AFF3: variants seen among roughly 807,000 people sequenced by gnomAD.
The protein encoded by AFF3 is ALF transcription elongation factor 3, also known as AF4/FMR2 family member 3.
In AFF3, 32 loss-of-function variants were observed where a neutral mutation model predicts 129.7. The ratio of observed to expected loss-of-function variants is 0.25; its 90% CI spans 0.19 to 0.33. The LOEUF is 0.33. AFF3 is among the 10% of genes least tolerant of loss of function. The pLI, the probability that AFF3 is intolerant of heterozygous loss-of-function variation, is 1.00. For synonymous variants in AFF3, 644 were observed against 635.4 expected, an observed-to-expected ratio of 1.01 and a Z score of -0.20; for missense variants, 1,373 against 1,592.0, an observed-to-expected ratio of 0.86 and a Z score of 2.34.
rs1261873963 is a variant in AFF3, at chr2:99,752,274, C to T, written c.949G>A (p.Ala317Thr). The change falls in exon 9 of 25, where the codon GCT (alanine) becomes ACT (threonine). Residue 317 changes from alanine to threonine, a missense_variant. Physicochemically the swap from Ala to Thr is moderately conservative, Grantham distance 58 (BLOSUM62 0). Around this residue, in one of 9 missense-constraint regions of AFF3, gnomAD observed 413 missense variants for 424.4 expected, o/e 0.97. Coordinates refer to ENST00000672756, the MANE Select transcript of AFF3 (RefSeq NM_001386135.1). Reference sequence around the variant, plus strand: ...TCCACTTTGCCAGGTGCTTGAATAGCAGAAAGTGGTGGAAGCCAGGTCATC... The same window carrying T: ...TCCACTTTGCCAGGTGCTTGAATAGTAGAAAGTGGTGGAAGCCAGGTCATC... The part of the protein sequence containing the change: ...REMTWLPPLS[A>T]IQAPGKVEPT... 3 of 1,613,912 alleles carry T rather than the reference C, an allele frequency of 1.9e-6. No individual in the cohort carries two copies. The highest frequency in any genetic ancestry group is 2.5e-6 in the Non-Finnish European group (3 of 1,179,892).
chr2:99,643,662 C>G (rs1293705688), intron 13 of AFF3, among the ~76,000 whole-genome samples: 1 of 152,160 alleles, frequency 6.6e-6, no homozygotes, highest in Non-Finnish European at 1.5e-5. Flanking sequence ...TTGGCTGGAG[C>G]TCGTCCACTT....
At chr2:100,136,036 G>A (rs1287988527) in intron 1 of AFF3, among the ~76,000 whole-genome samples, 2 of 152,190 alleles carry the variant, frequency 1.3e-5, no homozygotes, top group Admixed American at 6.5e-5. Context: ...AAGGGGCTTC[G>A]TGGGGATGTG....
intron 8 of AFF3, among the ~76,000 whole-genome samples, chr2:99,822,761 G>C (rs1284719186): frequency 6.6e-6 from 1 of 152,106 alleles, no homozygotes; most frequent in African/African-American, 2.4e-5. Context: ...TCCCATCACA[G>C]TGGGCTCCTC....
In AFF3 at chr2:100,006,771, G is replaced by C. The variant is rs1041007189; in HGVS notation, c.734C>G (p.Pro245Arg). The change falls in exon 7 of 25, where the codon CCT becomes CGT. Residue 245 changes from proline to arginine, a missense_variant. By Grantham distance (103) the Pro-to-Arg change is moderately radical (BLOSUM62 -2). This residue lies in a region of AFF3 where 413 missense variants were observed against 424.4 expected (regional missense o/e 0.97). Coordinates refer to ENST00000672756, the MANE Select transcript of AFF3 (RefSeq NM_001386135.1). ...CGACTTCAGCTTAGGAGACTCATCA[G>C]GGGCCTGATCTTGGCCGTCCATTGG... ...VRPMDGQDQA[P>R]DESPKLKSSS... The C allele has an allele frequency of 1.9e-6, 3 of 1,614,090 alleles. No individual in the cohort carries two copies. The highest frequency in any genetic ancestry group is 2.5e-6 in the Non-Finnish European group (3 of 1,180,048).
At chr2:99,934,681 T>C (rs1674361524) in intron 7 of AFF3, among the ~76,000 whole-genome samples, 1 of 152,144 alleles carries the variant, frequency 6.6e-6, no homozygotes, top group Admixed American at 6.5e-5. Flanking sequence ...CAGAAGCCAC[T>C]GGGAAGGGGC....
intron 12 of AFF3, among the ~76,000 whole-genome samples, chr2:99,666,190 T>C (rs773758837): frequency 6.6e-6 from 1 of 152,096 alleles, no homozygotes; most frequent in Non-Finnish European, 1.5e-5. Flanking sequence ...GGTAGGGAAA[T>C]AAAGATGAAT....
intron 18 of AFF3, among the ~76,000 whole-genome samples, chr2:99,577,989 C>T (rs1177984399): frequency 6.6e-6 from 1 of 152,180 alleles, no homozygotes; most frequent in Non-Finnish European, 1.5e-5. Context: ...AACAATGCTT[C>T]TCTTTCTAGT....
chr2:100,000,129 C>T (rs1465709018), intron 7 of AFF3, among the ~76,000 whole-genome samples: 3 of 152,198 alleles, frequency 2.0e-5, no homozygotes. Flanking sequence ...CCCAATTAAA[C>T]ACACTATTTA....
At chr2:99,742,548 C>T (rs1375837773) in intron 10 of AFF3, among the ~76,000 whole-genome samples, 1 of 152,130 alleles carries the variant, frequency 6.6e-6, no homozygotes, top group Non-Finnish European at 1.5e-5. Context: ...GCCGGGTGCA[C>T]ACAGAAATCA....
chr2:99,942,218 T>TC (rs1675118441), intron 7 of AFF3, among the ~76,000 whole-genome samples: 1 of 151,984 alleles, frequency 6.6e-6, no homozygotes, highest in Non-Finnish European at 1.5e-5. Context: ...GAGGACACAC[T>TC]CAGGAAGTAG....
chr2:99,654,758 CTTTT>C (rs1189974945), intron 12 of AFF3, among the ~76,000 whole-genome samples: 1 of 151,970 alleles, frequency 6.6e-6, no homozygotes, highest in Non-Finnish European at 1.5e-5. Flanking sequence ...AAAACATGTT[CTTTT>C]TTTTCTGCCA....
intron 7 of AFF3, among the ~76,000 whole-genome samples, chr2:99,932,093 T>A (rs1405184398): frequency 6.6e-6 from 1 of 152,218 alleles, no homozygotes; most frequent in Admixed American, 6.5e-5. Context: ...TATATGATGG[T>A]ATAGATCAAG....
chr2:99,834,676 G>A (rs1688736423), intron 8 of AFF3, among the ~76,000 whole-genome samples: 1 of 152,188 alleles, frequency 6.6e-6, no homozygotes, highest in African/African-American at 2.4e-5. Flanking sequence ...CGTCCTCTCA[G>A]AAACTCTGAA....
intron 4 of AFF3, among the ~76,000 whole-genome samples, chr2:100,092,150 G>C (rs1689911831): frequency 6.6e-6 from 1 of 152,064 alleles, no homozygotes; most frequent in Non-Finnish European, 1.5e-5. Context: ...TTATCTTCAT[G>C]GTCCAAGGGC....
chr2:100,110,781 C>G (rs1339963183), intron 2 of AFF3, among the ~76,000 whole-genome samples: 1 of 152,202 alleles, frequency 6.6e-6, no homozygotes, highest in Non-Finnish European at 1.5e-5. Context: ...ACCCAACATC[C>G]ATCTGCACTT....
chr2:99,621,237 C>T (rs539138814), intron 13 of AFF3, among the ~76,000 whole-genome samples: 1 of 152,354 alleles, frequency 6.6e-6, no homozygotes, highest in East Asian at 1.9e-4. Flanking sequence ...TTCACTCCTG[C>T]TAATCTTCAG....
rs572345294 is a variant in AFF3 at position 100,050,538 on chromosome 2, A to G, written c.54-41606T>C. ...AAAGACTCATGCATCTTGCCAGCTTAGGTGAGAGTTCCTGTACTTGCTGTC... is the reference window on the plus strand; with the variant it reads ...AAAGACTCATGCATCTTGCCAGCTTGGGTGAGAGTTCCTGTACTTGCTGTC... On this transcript the variant is annotated intron_variant, in intron 4 of 24. Coordinates refer to ENST00000672756, the MANE Select transcript of AFF3 (RefSeq NM_001386135.1). Among the ~76,000 whole-genome samples, 3 of 152,286 alleles carry G rather than the reference A, an allele frequency of 2.0e-5. No individual in the cohort carries two copies. In the South Asian group the frequency reaches 6.2e-4, roughly 32 times the overall value.
rs184502659 is a variant in AFF3 at position 100,127,580 on chromosome 2, G to T, written c.-145+1644C>A. 8.5e-5 allele frequency among the ~76,000 whole-genome samples: 13 copies of T among 152,270 alleles called. No individual in the cohort carries two copies. In the East Asian group the frequency reaches 1.7e-3, roughly 20 times the overall value. Reference sequence around the variant, plus strand: ...TCAACTGCTCTTCCATGCCACTGCTGCACAAATGCTCTGAATGTTTGAATA... The same window carrying T: ...TCAACTGCTCTTCCATGCCACTGCTTCACAAATGCTCTGAATGTTTGAATA... On this transcript the variant is annotated intron_variant, in intron 2 of 24. Transcript: ENST00000672756.
At chr2:99,688,074 C>T (rs1042891154) in intron 11 of AFF3, among the ~76,000 whole-genome samples, 5 of 152,156 alleles carry the variant, frequency 3.3e-5, no homozygotes, top group Admixed American at 3.3e-4. Context: ...GATCTCCTGA[C>T]CTCGTGATCC....
Sources: allele counts gnomAD v4.1 joint callset (sites outside exome capture counted in the v4.1 genomes callset), GRCh38; gene constraint gnomAD v4.1.1; regional missense constraint gnomAD v4.1.1; transcripts MANE v1.5; gene names NCBI Gene and HGNC (gene_info 2026-07-23, HGNC 2026-07-21).